The following COL14A1 variants were observed in gnomAD, a reference collection of about 807,000 sequenced individuals.
The protein encoded by COL14A1 is collagen type XIV alpha 1 chain, also known as collagen alpha-1(XIV) chain.
Under a neutral mutation model 230.3 loss-of-function variants are expected in COL14A1, and 136 were observed. The ratio of observed to expected loss-of-function variants is 0.59; its 90% CI spans 0.51 to 0.68. COL14A1 has a LOEUF of 0.68. Among genes scored for constraint, COL14A1 ranks in the 30% least tolerant of loss-of-function variants. The probability of loss-of-function intolerance (pLI) is 0.00; values close to 1 mark genes in which losing one functional copy is unlikely to be tolerated. For synonymous variants in COL14A1, 792 were observed against 784.1 expected, an observed-to-expected ratio of 1.01 and a Z score of -0.17; for missense variants, 1,976 against 2,215.8, an observed-to-expected ratio of 0.89 and a Z score of 2.17.
At chr8:120,127,065 T>C (rs1275004176) in intron 1 of COL14A1, among the ~76,000 whole-genome samples, 1 of 152,228 alleles carries the variant, frequency 6.6e-6, no homozygotes, top group Non-Finnish European at 1.5e-5. Context: ...AAAGAAACCC[T>C]GTACCTATTA....
chr8:120,315,481 C>G, intron 38 of COL14A1, 52 bp from the exon 39 acceptor site: 1 of 1,438,102 alleles, frequency 7.0e-7, no homozygotes, highest in Non-Finnish European at 9.7e-7. Flanking sequence ...GAAAAGAAAA[C>G]GCTAAGAATT....
chr8:120,199,374 G>A (rs367850249), intron 7 of COL14A1, 28 bp from the exon 8 acceptor site: 96 of 1,542,978 alleles, frequency 6.2e-5, no homozygotes, highest in African/African-American at 1.1e-4. Flanking sequence ...GAGATAGCTG[G>A]TGTTTACTTT....
intron 4 of COL14A1, among the ~76,000 whole-genome samples, chr8:120,165,770 G>A (rs1247282850): frequency 6.6e-6 from 1 of 152,144 alleles, no homozygotes; most frequent in African/African-American, 2.4e-5. Context: ...CAACGATTAG[G>A]AGAGACACAA....
chr8:120,265,453 A>C (rs2129786407), intron 24 of COL14A1, among the ~76,000 whole-genome samples: 1 of 152,200 alleles, frequency 6.6e-6, no homozygotes, highest in South Asian at 2.1e-4. Context: ...TTTAGCTTCA[A>C]AAATTGCCTT....
intron 7 of COL14A1, 92 bp downstream of exon 7, chr8:120,198,022 T>C: frequency 8.5e-6 from 11 of 1,288,666 alleles, no homozygotes; most frequent in African/African-American, 3.0e-5. Context: ...GTTATCATAA[T>C]GTTTTAATTA....
intron 5 of COL14A1, among the ~76,000 whole-genome samples, chr8:120,190,991 A>T (rs1816804646): frequency 6.9e-6 from 1 of 145,702 alleles, no homozygotes; most frequent in South Asian, 2.3e-4. Context: ...CTTTCAAAAA[A>T]CCAGCTCCTG....
chr8:120,168,907 A>C (rs539944274), intron 5 of COL14A1, among the ~76,000 whole-genome samples: 1 of 152,152 alleles, frequency 6.6e-6, no homozygotes, highest in Non-Finnish European at 1.5e-5. Flanking sequence ...CCAGGCTAGA[A>C]TTTAGTGTCA....
At chr8:120,134,603 T>A (rs1298198647) in intron 1 of COL14A1, among the ~76,000 whole-genome samples, 1 of 151,798 alleles carries the variant, frequency 6.6e-6, no homozygotes, top group African/African-American at 2.4e-5. Context: ...AGAAAAAAAA[T>A]AAATATTGGG....
At chr8:120,130,747 G>T (rs976075760) in intron 1 of COL14A1, among the ~76,000 whole-genome samples, 1 of 151,982 alleles carries the variant, frequency 6.6e-6, no homozygotes, top group East Asian at 1.9e-4. Flanking sequence ...TTAAGTTTGG[G>T]GATACAAGAA....
At chr8:120,284,717 T>A (rs867234844) in intron 32 of COL14A1, among the ~76,000 whole-genome samples, 36 of 152,322 alleles carry the variant, frequency 2.4e-4, no homozygotes, top group African/African-American at 8.2e-4. Flanking sequence ...GGGTATATGT[T>A]ACTAACTTCA....
intron 47 of COL14A1, 41 bp from the exon 48 acceptor site, chr8:120,371,111 C>G: frequency 6.7e-7 from 1 of 1,494,060 alleles, no homozygotes; most frequent in South Asian, 1.2e-5. Context: ...ATTTATGATT[C>G]CTGGGTGCAG....
chr8:120,191,616 C>T (rs1359288142), intron 5 of COL14A1, among the ~76,000 whole-genome samples: 8 of 151,252 alleles, frequency 5.3e-5, no homozygotes, highest in East Asian at 3.9e-4. Flanking sequence ...CTTTCTGTCT[C>T]GTTGATCTGT....
At chr8:120,262,464 T>TC (rs1213297869) in intron 23 of COL14A1, among the ~76,000 whole-genome samples, 2 of 151,650 alleles carry the variant, frequency 1.3e-5, no homozygotes, top group Non-Finnish European at 2.9e-5. Flanking sequence ...AGAGTGGGAC[T>TC]CCATCTCAGA....
In COL14A1 at chr8:120,371,729, C is replaced by T. The variant is rs1018535410; in HGVS notation, c.*498C>T. ...AGAAACTACCTCTTGTTTAATTGAT[C>T]TGTCCAACTCTGAGATCACTTGGTA... On this transcript the variant is annotated 3_prime_UTR_variant, in exon 48 of 48. Transcript: ENST00000297848. 7.5e-6 allele frequency: 3 copies of T among 397,444 alleles called. No individual in the cohort carries two copies. The highest frequency in any genetic ancestry group is 2.1e-5 in the African/African-American group (1 of 48,582). 24.6% of individuals were successfully genotyped at this position (397,444 alleles called of 1,614,324 possible).
At chr8:120,351,664 T>C (rs1586890399) in intron 45 of COL14A1, among the ~76,000 whole-genome samples, 5 of 129,672 alleles carry the variant, frequency 3.9e-5, no homozygotes, top group Non-Finnish European at 6.5e-5. Flanking sequence ...CCTCGACACA[T>C]ACACTCTCCC....
chr8:120,314,195 A>T (rs1196299576), intron 38 of COL14A1, among the ~76,000 whole-genome samples, 168 bp downstream of exon 38: 1 of 152,196 alleles, frequency 6.6e-6, no homozygotes, highest in Non-Finnish European at 1.5e-5. Flanking sequence ...TTTGTGTCCA[A>T]TGATGAAGGT....
At chr8:120,230,715 C>T (rs1453882608) in intron 18 of COL14A1, among the ~76,000 whole-genome samples, 1 of 152,020 alleles carries the variant, frequency 6.6e-6, no homozygotes, top group Non-Finnish European at 1.5e-5. Flanking sequence ...AAAACCAAAG[C>T]CCTAACAGTC....
intron 23 of COL14A1, among the ~76,000 whole-genome samples, chr8:120,260,023 T>C (rs1819274439): frequency 6.6e-6 from 1 of 152,160 alleles, no homozygotes; most frequent in Admixed American, 6.5e-5. Context: ...TCACAAACAC[T>C]TTAACAATTT....
intron 5 of COL14A1, among the ~76,000 whole-genome samples, chr8:120,176,625 A>G (rs1816291380): frequency 6.6e-6 from 1 of 152,166 alleles, no homozygotes; most frequent in Admixed American, 6.5e-5. Flanking sequence ...GTCAGGAGGT[A>G]GCTAAAGTAC....
Sources: allele counts gnomAD v4.1 joint callset (sites outside exome capture counted in the v4.1 genomes callset), GRCh38; gene constraint gnomAD v4.1.1; transcripts MANE v1.5; gene names NCBI Gene and HGNC (gene_info 2026-07-23, HGNC 2026-07-21).